RBM19: variants seen among roughly 807,000 people sequenced by gnomAD.
The protein encoded by RBM19 is RNA binding motif protein 19.
RBM19 carries 94 observed loss-of-function variants against 116.8 expected under a neutral mutation model. The ratio of observed to expected loss-of-function variants is 0.80; its 90% CI spans 0.68 to 0.95. The LOEUF (loss-of-function observed/expected upper bound fraction) is 0.95, where lower values mean the gene tolerates loss of function less well. Ranked by LOEUF, RBM19 falls within the 40% of genes least tolerant of loss-of-function variation. RBM19 has a pLI of 0.00. For missense variants in RBM19, 1,161 were observed against 1,220.7 expected (o/e 0.95, Z 0.73); for synonymous variants, 475 against 494.1 (o/e 0.96, Z 0.51).
At chr12:113,919,701 A>T (rs1333873267) in intron 19 of RBM19, among the ~76,000 whole-genome samples, 1 of 152,070 alleles carries the variant, frequency 6.6e-6, no homozygotes, top group East Asian at 1.9e-4. Context: ...TGTACTTAGG[A>T]TCCAGCAGGA....
intron 12 of RBM19, 133 bp downstream of exon 12, chr12:113,946,221 G>A (rs1177638180): frequency 8.0e-7 from 1 of 1,243,502 alleles, no homozygotes; most frequent in East Asian, 2.4e-5. Context: ...TTTTACAGAT[G>A]AGAAAACTGA....
chr12:113,863,459 C>T (rs1425200913), intron 21 of RBM19, among the ~76,000 whole-genome samples: 1 of 152,182 alleles, frequency 6.6e-6, no homozygotes, highest in Non-Finnish European at 1.5e-5. Flanking sequence ...CGGAGCTGGA[C>T]AGTTTTGCAG....
chr12:113,862,436 C>A (rs11835792), intron 21 of RBM19, among the ~76,000 whole-genome samples: 1 of 150,902 alleles, frequency 6.6e-6, no homozygotes, highest in Non-Finnish European at 1.5e-5. Flanking sequence ...AGAGAGCTAT[C>A]GAAAGAGAAT....
chr12:113,923,317 C>T (rs1410761298), intron 18 of RBM19, among the ~76,000 whole-genome samples: 1 of 152,156 alleles, frequency 6.6e-6, no homozygotes, highest in African/African-American at 2.4e-5. Flanking sequence ...CTAGAACAGA[C>T]CTTCCCTCGC....
At chr12:113,829,633 G>A (rs1375795559) in intron 23 of RBM19, among the ~76,000 whole-genome samples, 2 of 152,236 alleles carry the variant, frequency 1.3e-5, no homozygotes, top group African/African-American at 2.4e-5. Flanking sequence ...GGCTCAGGGT[G>A]GACAGGACGA....
intron 15 of RBM19, among the ~76,000 whole-genome samples, chr12:113,937,923 T>G (rs1870219186): frequency 6.6e-6 from 1 of 152,178 alleles, no homozygotes; most frequent in South Asian, 2.1e-4. Context: ...TCCTACTCCA[T>G]GAAAGCCTTG....
At chr12:113,877,094 A>G (rs1057218462) in intron 21 of RBM19, among the ~76,000 whole-genome samples, 33 of 152,340 alleles carry the variant, frequency 2.2e-4, no homozygotes, top group African/African-American at 7.9e-4. Flanking sequence ...CCCTGCAGCC[A>G]CAAGGATGCG....
intron 21 of RBM19, among the ~76,000 whole-genome samples, chr12:113,875,706 A>G (rs540326323): frequency 1.6e-4 from 25 of 152,324 alleles, no homozygotes; most frequent in African/African-American, 6.0e-4. Context: ...AGAAAAATCA[A>G]TGGTCAGGAG....
chr12:113,905,034 G>A (rs1443190412), intron 21 of RBM19, among the ~76,000 whole-genome samples: 1 of 152,196 alleles, frequency 6.6e-6, no homozygotes, highest in East Asian at 1.9e-4. Flanking sequence ...TGGCCCAGGT[G>A]AAGCAAAAAC....
intron 13 of RBM19, among the ~76,000 whole-genome samples, chr12:113,943,373 C>T (rs972602842): frequency 6.6e-6 from 1 of 152,194 alleles, no homozygotes; most frequent in African/African-American, 2.4e-5. Flanking sequence ...CCATCCAACA[C>T]AGTGCCACAA....
intron 21 of RBM19, among the ~76,000 whole-genome samples, chr12:113,897,112 C>G (rs1881388670): frequency 1.3e-5 from 2 of 152,314 alleles, no homozygotes; most frequent in African/African-American, 4.8e-5. Flanking sequence ...TCCCAATAGA[C>G]CCGGCAAGTA....
In RBM19 at chr12:113,945,873, G is replaced by A; in HGVS notation, c.1581C>T (p.Ala527=). The part of the protein sequence containing the change: ...LFMGPNAVAD[A]IAQKYNATKS... The stretch of plus-strand genomic sequence containing the variant: ...TGGTGGCGTTGTACTTCTGTGCGAT[G>A]GCATCGGCCACGGCATTCGGCCCCA... The change falls in exon 13 of 24, where the codon GCC becomes GCT. Residue 527 remains alanine, a synonymous_variant. Coordinates refer to ENST00000261741, the MANE Select transcript of RBM19 (RefSeq NM_016196.4). The A allele has an allele frequency of 1.9e-6, 3 of 1,594,032 alleles. No homozygotes were observed. The highest frequency in any genetic ancestry group is 2.6e-6 in the Non-Finnish European group (3 of 1,161,734).
intron 23 of RBM19, among the ~76,000 whole-genome samples, chr12:113,843,474 TGTTC>T (rs1876680277): frequency 6.6e-6 from 1 of 152,180 alleles, no homozygotes; most frequent in Non-Finnish European, 1.5e-5. Context: ...CAGACAGGAC[TGTTC>T]CCCATCACGG....
At chr12:113,864,137 A>T (rs1878631221) in intron 21 of RBM19, among the ~76,000 whole-genome samples, 1 of 152,212 alleles carries the variant, frequency 6.6e-6, no homozygotes, top group Non-Finnish European at 1.5e-5. Context: ...CATGGGCAGC[A>T]TCAGGCTTAG....
chr12:113,844,884 C>T, intron 22 of RBM19, 96 bp from the exon 23 acceptor site: 1 of 1,466,812 alleles, frequency 6.8e-7, no homozygotes, highest in Non-Finnish European at 9.1e-7. Context: ...TCTCAGATGC[C>T]AAAGCCCAGG....
chr12:113,923,275 G>A lies in RBM19; in HGVS notation c.2305+1422C>T, dbSNP rs371792452. Reference sequence around the variant, plus strand: ...TAGAAGGAGGATGCCCTGTGAACATGGAGGAGGCCATCTATAAGCCCAGAG... The same window carrying A: ...TAGAAGGAGGATGCCCTGTGAACATAGAGGAGGCCATCTATAAGCCCAGAG... On this transcript the variant is annotated intron_variant, in intron 18 of 23. Transcript: ENST00000261741. Among the ~76,000 whole-genome samples, 24 of 152,290 alleles carry A rather than the reference G, an allele frequency of 1.6e-4. No individual in the cohort carries two copies. The East Asian group carries it at 2.7e-3, about 17-fold the overall frequency.
At chr12:113,827,900 G>A (rs1230191035) in intron 23 of RBM19, among the ~76,000 whole-genome samples, 3 of 151,888 alleles carry the variant, frequency 2.0e-5, no homozygotes, top group African/African-American at 4.8e-5. Context: ...AAATCTACAC[G>A]CCTAGGGTGT....
intron 23 of RBM19, among the ~76,000 whole-genome samples, chr12:113,842,135 T>G (rs1015105580): frequency 6.6e-6 from 1 of 152,228 alleles, no homozygotes; most frequent in Non-Finnish European, 1.5e-5. Flanking sequence ...TAAGTGGCTG[T>G]GGAGACAGTC....
intron 7 of RBM19, among the ~76,000 whole-genome samples, chr12:113,953,626 G>A (rs891331425): frequency 3.3e-5 from 5 of 152,184 alleles, no homozygotes; most frequent in African/African-American, 1.2e-4. Context: ...ATAATACCCA[G>A]GGTTCAGGAA....
Sources: gnomAD v4.1 joint callset for allele counts (sites outside exome capture counted in the v4.1 genomes callset) on GRCh38, gnomAD v4.1.1 for gene constraint, MANE v1.5 for transcripts, NCBI Gene and HGNC (gene_info 2026-07-23, HGNC 2026-07-21) for gene names.